CCDC28B: variants seen among roughly 807,000 people sequenced by gnomAD.
The protein encoded by CCDC28B is coiled-coil domain-containing protein 28B.
CCDC28B carries 17 observed loss-of-function variants against 18.7 expected under a neutral mutation model. The observed-to-expected ratio is 0.91, with a 90% CI of 0.62 to 1.36. The LOEUF (loss-of-function observed/expected upper bound fraction) is 1.36, where lower values mean the gene tolerates loss of function less well. CCDC28B is among the 40% of genes most tolerant of loss of function. The pLI is 0.00. For missense variants in CCDC28B, 213 were observed against 251.7 expected (o/e 0.85, Z 1.04); for synonymous variants, 116 against 105.1 (o/e 1.10, Z -0.64).
chr1:32,196,409 TG>T (rs1643025979), upstream of CCDC28B: 1 of 152,228 alleles, frequency 6.6e-6, no homozygotes, highest in Admixed American at 6.5e-5. Flanking sequence ...TGCCTGTCCT[TG>T]GGGATTCTAC....
upstream of CCDC28B, chr1:32,196,020 GTGTT>G (rs1355559686): frequency 1.6e-5 from 3 of 187,966 alleles, no homozygotes; most frequent in Admixed American, 7.0e-5. Flanking sequence ...GCACATGACA[GTGTT>G]TGTATTGAGG....
At chr1:32,204,649 G>A in intron 5 of CCDC28B, 29 bp downstream of exon 5, 3 of 1,612,596 alleles carry the variant, frequency 1.9e-6, no homozygotes, top group Non-Finnish European at 2.5e-6. Flanking sequence ...CCGTCTATGT[G>A]TGTGTGTTCC....
chr1:32,203,141 A>G (rs1643189463), intron 2 of CCDC28B: 1 of 151,764 alleles, frequency 6.6e-6, no homozygotes, highest in Non-Finnish European at 1.5e-5. Context: ...CAAACAAAAA[A>G]AAAATTTTTT....
intron 4 of CCDC28B, 69 bp from the exon 5 acceptor site, chr1:32,204,529 C>T (rs539048002): frequency 5.9e-6 from 9 of 1,525,024 alleles, no homozygotes; most frequent in African/African-American, 2.8e-5. Flanking sequence ...GAAGATAGCC[C>T]CCAGAGCATT....
At chr1:32,197,128 C>G (rs1444678595), upstream of CCDC28B, 1 of 152,394 alleles carries the variant, frequency 6.6e-6, no homozygotes, top group African/African-American at 2.4e-5. The surrounding 1 kb of genome is among the most constrained non-coding windows in gnomAD (Gnocchi z 4.6). Flanking sequence ...TTTCCCTACC[C>G]CAGCCCCTGT....
intron 2 of CCDC28B, 156 bp downstream of exon 2, chr1:32,202,255 C>T (rs749576618): frequency 1.0e-6 from 1 of 966,894 alleles, no homozygotes; most frequent in Non-Finnish European, 1.6e-6. Context: ...CAGACCCAGT[C>T]CCTACCCTCA....
At chr1:32,198,903 T>C (rs183082584), upstream of CCDC28B, among the ~76,000 whole-genome samples, 2 of 152,300 alleles carry the variant, frequency 1.3e-5, no homozygotes, top group East Asian at 3.9e-4. Context: ...GAGCCAGGCA[T>C]AGGCCATTTG....
rs1244215477 is a variant in CCDC28B, at chr1:32,205,307, G to C, written c.*59G>C. 1.3e-6 allele frequency: 2 copies of C among 1,509,340 alleles called. No homozygotes were observed. The highest frequency in any genetic ancestry group is 2.8e-5 in the African/African-American group (2 of 72,028). The allele number at this position is 1,509,340 out of a possible 1,614,324, so 93.5% of individuals were successfully genotyped here. ...TCTCTTCAAACTGTGACTTTTTACA[G>C]ACTCGGGCGGGTGTTCTGCGGCCCC... is the stretch of plus-strand genomic sequence containing the variant. On this transcript the variant is annotated 3_prime_UTR_variant, in exon 6 of 6. Transcript: ENST00000373602. This position sits in a 1 kb window ranked among gnomAD's most constrained non-coding sequence, Gnocchi z 5.6.
chr1:32,205,021 AAGAG>A lies in CCDC28B; in HGVS notation c.549-168_549-165del, dbSNP rs1054547701. The A allele has an allele frequency of 1.2e-5, 14 of 1,177,538 alleles. No individual in the cohort carries two copies. Among genetic ancestry groups the A allele is most frequent in the Non-Finnish European group, 1.4e-5 (12 of 848,446 alleles). The allele number at this position is 1,177,538 out of a possible 1,614,324, so 72.9% of individuals were successfully genotyped here. ...GTGTCTGACCTGCACGATCTGGATG[AAGAG>A]AGAGGGGGTGAGAGAGGGCAGGCGG... On this transcript the variant is annotated intron_variant, in intron 5 of 5. Coordinates refer to ENST00000373602, the MANE Select transcript of CCDC28B (RefSeq NM_024296.5). This position sits in a 1 kb window ranked among gnomAD's most constrained non-coding sequence, Gnocchi z 5.6.
chr1:32,205,126 G>A lies in CCDC28B; in HGVS notation c.549-68G>A, dbSNP rs925667940. The A allele has an allele frequency of 1.9e-6, 3 of 1,590,240 alleles. No homozygotes were observed. The highest frequency in any genetic ancestry group is 1.7e-5 in the Admixed American group (1 of 58,978). On this transcript the variant is annotated intron_variant, in intron 5 of 5. Coordinates refer to ENST00000373602, the MANE Select transcript of CCDC28B (RefSeq NM_024296.5). The surrounding 1 kb of genome is among the most constrained non-coding windows in gnomAD (Gnocchi z 5.6). ...TTGCACAGGTGAGGGAACTAAACCTGTGCAAGATGGGAGACCGGGGTGGGA... is the reference window on the plus strand; with the variant it reads ...TTGCACAGGTGAGGGAACTAAACCTATGCAAGATGGGAGACCGGGGTGGGA...
intron 5 of CCDC28B, chr1:32,204,874 C>T: frequency 6.6e-7 from 1 of 1,517,592 alleles, no homozygotes; most frequent in Non-Finnish European, 8.9e-7. Flanking sequence ...TCAATCATAG[C>T]AAAGCTTGTC....
At chr1:32,204,445 A>G in intron 4 of CCDC28B, 66 bp downstream of exon 4, 1 of 1,519,572 alleles carries the variant, frequency 6.6e-7, no homozygotes, top group Non-Finnish European at 8.8e-7. Flanking sequence ...CATACTCCCA[A>G]AGCCATTCCT....
intron 2 of CCDC28B, 64 bp from the exon 3 acceptor site, chr1:32,203,814 CA>C: frequency 7.4e-7 from 1 of 1,343,184 alleles, no homozygotes; most frequent in Non-Finnish European, 1.0e-6. Context: ...GCAGATGGCA[CA>C]AAAGATCGGG....
Position 32,205,093 on chromosome 1 carries a change from C to T in CCDC28B, c.549-101C>T. The T allele has an allele frequency of 2.1e-6, 3 of 1,450,622 alleles. No individual in the cohort carries two copies. The highest frequency in any genetic ancestry group is 2.8e-6 in the Non-Finnish European group (3 of 1,062,928). 89.9% of individuals were successfully genotyped at this position (1,450,622 alleles called of 1,614,324 possible). ...CACAGACGGCCCGAGACCCTCGTCC[C>T]CGGCCCTTTGCACAGGTGAGGGAAC... On this transcript the variant is annotated intron_variant, in intron 5 of 5. Coordinates refer to ENST00000373602, the MANE Select transcript of CCDC28B (RefSeq NM_024296.5). This position sits in a 1 kb window ranked among gnomAD's most constrained non-coding sequence, Gnocchi z 5.6.
chr1:32,198,709 G>A (rs527369965), upstream of CCDC28B, among the ~76,000 whole-genome samples: 17 of 152,292 alleles, frequency 1.1e-4, no homozygotes, highest in Middle Eastern at 3.4e-3. Context: ...GAAGATGAAC[G>A]TCATTTAGTG....
chr1:32,203,443 C>T (rs763599398), intron 2 of CCDC28B, among the ~76,000 whole-genome samples: 1 of 151,732 alleles, frequency 6.6e-6, no homozygotes, highest in African/African-American at 2.4e-5. Flanking sequence ...GGCAACAGAG[C>T]GAGACTCTGT....
chr1:32,204,969 C>G, intron 5 of CCDC28B: 1 of 1,274,454 alleles, frequency 7.8e-7, no homozygotes. Context: ...TCAGAAACAG[C>G]GCGAGTGCGC....
chr1:32,202,404 C>T, intron 2 of CCDC28B: 1 of 532,902 alleles, frequency 1.9e-6, no homozygotes, highest in Non-Finnish European at 3.6e-6. Flanking sequence ...TGGAAGAAAG[C>T]TATTACCTGA....
intron 2 of CCDC28B, chr1:32,202,496 AT>A (rs1229319049): frequency 1.9e-5 from 7 of 365,130 alleles, no homozygotes; most frequent in Middle Eastern, 9.5e-4. Context: ...TGGGGGCACA[AT>A]TTGAATTCTC....
Sources: gnomAD v4.1 joint callset for allele counts (sites outside exome capture counted in the v4.1 genomes callset) on GRCh38, gnomAD v4.1.1 for gene constraint, Gnocchi (gnomAD v3.1) non-coding constraint, MANE v1.5 for transcripts, NCBI Gene and HGNC (gene_info 2026-07-23, HGNC 2026-07-21) for gene names.